Variants in ADAMTSL3 observed in about 807,000 individuals in gnomAD.
ADAMTSL3 encodes the protein ADAMTS like 3, also known as ADAMTS-like protein 3.
A neutral mutation model predicts 201.7 loss-of-function variants in ADAMTSL3; 128 were observed. The ratio of observed to expected loss-of-function variants is 0.63; its 90% CI spans 0.55 to 0.73. The LOEUF (loss-of-function observed/expected upper bound fraction) is 0.73, where lower values mean the gene tolerates loss of function less well. Among genes scored for constraint, ADAMTSL3 ranks in the 30% least tolerant of loss-of-function variants. ADAMTSL3 has a pLI of 0.00. For missense variants in ADAMTSL3, 1,990 were observed against 2,119.6 expected (o/e 0.94, Z 1.20); for synonymous variants, 738 against 748.4 (o/e 0.99, Z 0.23).
chr15:83,837,796 T>G (rs2064303639), intron 6 of ADAMTSL3, among the ~76,000 whole-genome samples: 1 of 146,620 alleles, frequency 6.8e-6, no homozygotes, highest in African/African-American at 2.5e-5. Context: ...AGTGAGATCT[T>G]GTCTTGAAAA....
At chr15:83,826,955 G>T (rs1262879027) in intron 6 of ADAMTSL3, among the ~76,000 whole-genome samples, 1 of 152,076 alleles carries the variant, frequency 6.6e-6, no homozygotes, top group Admixed American at 6.6e-5. Context: ...TTTGTGAATA[G>T]TGCCGTAATA....
intron 4 of ADAMTSL3, among the ~76,000 whole-genome samples, chr15:83,791,304 C>T (rs778558015): frequency 1.6e-4 from 24 of 152,054 alleles, no homozygotes; most frequent in Non-Finnish European, 7.4e-5. Context: ...AGAACAAATC[C>T]GGAGGCGTTA....
intron 20 of ADAMTSL3, among the ~76,000 whole-genome samples, chr15:83,981,526 A>T (rs1200470018): frequency 6.6e-6 from 1 of 152,234 alleles, no homozygotes; most frequent in Non-Finnish European, 1.5e-5. Context: ...CACTAACATT[A>T]TTCACATTTC....
At chr15:83,777,541 T>A (rs2063098322) in intron 4 of ADAMTSL3, among the ~76,000 whole-genome samples, 1 of 152,148 alleles carries the variant, frequency 6.6e-6, no homozygotes, top group Non-Finnish European at 1.5e-5. Flanking sequence ...ATGAAGCCAG[T>A]TGGCTGAATC....
chr15:83,890,345 C>T lies in ADAMTSL3; in HGVS notation c.1211+98C>T, dbSNP rs755987528. On this transcript the variant is annotated intron_variant, in intron 11 of 29. Transcript: ENST00000286744. ...TTGCAGGGCAATACATTTCCATTTC[C>T]TGGCTTTGTCTACTGGCGGCAGGTG... 1.5e-3 allele frequency: 2,158 copies of T among 1,463,322 alleles called. 11 individuals are homozygous for T. Among genetic ancestry groups the T allele is most frequent in the Middle Eastern group, 9.0e-3 (50 of 5,576 alleles). The allele number at this position is 1,463,322 out of a possible 1,614,324, so 90.6% of individuals were successfully genotyped here. A position where few individuals can be genotyped will look rare whatever the true frequency, so the allele number is the denominator to read the frequency against.
In ADAMTSL3 at chr15:83,969,921, G is replaced by C. The variant is rs577553154; in HGVS notation, c.2491-563G>C. On this transcript the variant is annotated intron_variant, in intron 19 of 29. Coordinates refer to ENST00000286744, the MANE Select transcript of ADAMTSL3 (RefSeq NM_207517.3). ...TAAATAAACAAAACAAAACAAACAGGCAACAAAAAACAAAAGGGAACTTCG... is the reference window on the plus strand; with the variant it reads ...TAAATAAACAAAACAAAACAAACAGCCAACAAAAAACAAAAGGGAACTTCG... 2.6e-5 allele frequency among the ~76,000 whole-genome samples: 4 copies of C among 152,132 alleles called. No homozygotes were observed. The East Asian group carries it at 7.7e-4, about 29-fold the overall frequency.
rs1313956529 is a variant in ADAMTSL3, at chr15:83,897,764, A to G, written c.1468-94A>G. ...TAAAAGTCTTTTGTGTTTAACATTT[A>G]TGTAGTTCAATGGCTCTCCTTTGCA... On this transcript the variant is annotated intron_variant, in intron 13 of 29. Coordinates refer to ENST00000286744, the MANE Select transcript of ADAMTSL3 (RefSeq NM_207517.3). 7 of 1,371,496 alleles carry G rather than the reference A, an allele frequency of 5.1e-6. No homozygotes were observed. The East Asian group carries it at 7.1e-5, about 14-fold the overall frequency. 85.0% of individuals were successfully genotyped at this position (1,371,496 alleles called of 1,614,324 possible).
chr15:83,654,351 T>C lies in ADAMTSL3; in HGVS notation c.-34+75T>C, dbSNP rs1479904743. ...GGCGCTCCCCAGAGGGAGTAAGACT[T>C]GGAGCAGTGGCCTCTCTAAGCAAGT... On this transcript the variant is annotated intron_variant, in intron 1 of 29. Coordinates refer to ENST00000286744, the MANE Select transcript of ADAMTSL3 (RefSeq NM_207517.3). This position sits in a 1 kb window ranked among gnomAD's most constrained non-coding sequence, Gnocchi z 5.3. The C allele has an allele frequency of 6.6e-6, 1 of 152,200 alleles. No homozygotes were observed. The highest frequency in any genetic ancestry group is 2.4e-5 in the African/African-American group (1 of 41,356). The allele number at this position is 152,200 out of a possible 1,614,324, so 9.4% of individuals were successfully genotyped here. A position where few individuals can be genotyped will look rare whatever the true frequency, so the allele number is the denominator to read the frequency against.
chr15:83,914,807 C>G (rs2065998789), intron 16 of ADAMTSL3, among the ~76,000 whole-genome samples: 1 of 152,108 alleles, frequency 6.6e-6, no homozygotes, highest in Admixed American at 6.6e-5. Context: ...GTTCAGAACC[C>G]TGGACACGTT....
chr15:83,834,900 G>A (rs2064233258), intron 6 of ADAMTSL3, among the ~76,000 whole-genome samples: 1 of 152,154 alleles, frequency 6.6e-6, no homozygotes, highest in Non-Finnish European at 1.5e-5. Flanking sequence ...TTCAGATGAT[G>A]TCATAGAAGT....
At chr15:83,733,507 T>C (rs2062316231) in intron 3 of ADAMTSL3, among the ~76,000 whole-genome samples, 2 of 152,130 alleles carry the variant, frequency 1.3e-5, no homozygotes. Context: ...TTTGGCATTT[T>C]TGTGGGCTGT....
intron 4 of ADAMTSL3, among the ~76,000 whole-genome samples, chr15:83,787,174 G>T (rs1446145225): frequency 6.6e-6 from 1 of 152,144 alleles, no homozygotes; most frequent in Non-Finnish European, 1.5e-5. Context: ...GGACAGGGGC[G>T]ACTCTTCTAG....
chr15:83,986,373 C>T (rs1426597287), intron 21 of ADAMTSL3, among the ~76,000 whole-genome samples: 2 of 151,974 alleles, frequency 1.3e-5, no homozygotes, highest in Non-Finnish European at 2.9e-5. Context: ...GATGGAATGG[C>T]GTTAACATAA....
At chr15:83,977,539 G>A (rs2067308396) in intron 20 of ADAMTSL3, among the ~76,000 whole-genome samples, 1 of 152,052 alleles carries the variant, frequency 6.6e-6, no homozygotes. Flanking sequence ...TGGCACCTGA[G>A]GGGTAGAAAC....
intron 3 of ADAMTSL3, among the ~76,000 whole-genome samples, chr15:83,730,098 CAG>C (rs1439352480): frequency 7.2e-5 from 11 of 152,018 alleles, no homozygotes; most frequent in Admixed American, 7.2e-4. Flanking sequence ...AAAGACCACT[CAG>C]CGTGATGATT....
chr15:84,003,655 A>G (rs1287184941), intron 23 of ADAMTSL3, among the ~76,000 whole-genome samples: 1 of 152,166 alleles, frequency 6.6e-6, no homozygotes, highest in Non-Finnish European at 1.5e-5. Context: ...AGGGTTTTGA[A>G]TGCCCTATAC....
chr15:83,867,500 TA>T (rs1268180023), intron 8 of ADAMTSL3, among the ~76,000 whole-genome samples: 1 of 152,164 alleles, frequency 6.6e-6, no homozygotes, highest in Non-Finnish European at 1.5e-5. Context: ...CAAGAGGTCA[TA>T]AACCAAAAAC....
intron 11 of ADAMTSL3, 42 bp downstream of exon 11, chr15:83,890,289 C>T (rs750642781): frequency 1.9e-6 from 3 of 1,603,624 alleles, no homozygotes; most frequent in South Asian, 2.3e-5. Context: ...CAAAAAGAAA[C>T]AAATCAGCTT....
At chr15:83,856,184 CT>C (rs1174698245) in intron 7 of ADAMTSL3, among the ~76,000 whole-genome samples, 11 of 143,276 alleles carry the variant, frequency 7.7e-5, no homozygotes, top group Non-Finnish European at 1.5e-4. Context: ...TTTTTTCCCC[CT>C]GAGACAAGCT....
Sources: allele counts gnomAD v4.1 joint callset (sites outside exome capture counted in the v4.1 genomes callset), GRCh38; gene constraint gnomAD v4.1.1; non-coding constraint Gnocchi (gnomAD v3.1); transcripts MANE v1.5; gene names NCBI Gene and HGNC (gene_info 2026-07-23, HGNC 2026-07-21).